ZHX2: variants seen among roughly 807,000 people sequenced by gnomAD.
ZHX2 encodes zinc fingers and homeoboxes protein 2.
A neutral mutation model predicts 21.9 loss-of-function variants in ZHX2; 6 were observed. The ratio of observed to expected loss-of-function variants is 0.27; its 90% confidence interval spans 0.15 to 0.54. The LOEUF (loss-of-function observed/expected upper bound fraction) is 0.54, where lower values mean the gene tolerates loss of function less well. Ranked by LOEUF, ZHX2 falls within the 20% of genes least tolerant of loss-of-function variation. The probability of loss-of-function intolerance (pLI) is 0.95; values close to 1 mark genes in which losing one functional copy is unlikely to be tolerated. For synonymous variants in ZHX2, 434 were observed against 437.1 expected (o/e 0.99, Z 0.09); for missense variants, 908 against 1,090.7 (o/e 0.83, Z 2.36).
intron 2 of ZHX2, among the ~76,000 whole-genome samples, chr8:122,887,049 CCGTGTGTGTGTGTG>C (rs1420101246): frequency 3.6e-4 from 40 of 110,530 alleles, no homozygotes; most frequent in African/African-American, 1.5e-3. Context: ...TGCTCTGCCA[CCGTGTGTGTGTGTG>C]TGTGTGTGTG....
In ZHX2 at chr8:122,951,948, C is replaced by T; in HGVS notation, c.438C>T (p.Arg146=). The T allele has an allele frequency of 1.2e-6, 2 of 1,614,006 alleles. No individual in the cohort carries two copies. Among genetic ancestry groups the T allele is most frequent in the Non-Finnish European group, 1.7e-6 (2 of 1,180,028 alleles). Residue 146 remains arginine (R), a synonymous_variant, in exon 3 of 4, where the codon CGC becomes CGT. Transcript: ENST00000314393. ...ACTTCAAGCTGAAGTTAATTAAACG[C>T]AATAATCAAACTGTCTTGGAACAGT... ...EANFKLKLIK[R]NNQTVLEQSI...
chr8:122,919,416 G>A (rs918253725), intron 2 of ZHX2, among the ~76,000 whole-genome samples: 2 of 152,162 alleles, frequency 1.3e-5, no homozygotes, highest in Admixed American at 6.5e-5. Context: ...GAGCGTGACC[G>A]TCATTCATTC....
Position 122,844,573 on chromosome 8 carries a change from G to A in ZHX2, c.-282-18904G>A, listed in dbSNP as rs922444719. 3.3e-5 allele frequency among the ~76,000 whole-genome samples: 5 copies of A among 152,192 alleles called. No homozygotes were observed. In the South Asian group the frequency reaches 8.3e-4, roughly 25 times the overall value. ...CGGAGAGAGGAGGTAACTTGCTGGAGGTCACAGATGAGTGAAGTGACGAGG... is the reference window on the plus strand; with the variant it reads ...CGGAGAGAGGAGGTAACTTGCTGGAAGTCACAGATGAGTGAAGTGACGAGG... On this transcript the variant is annotated intron_variant, in intron 1 of 3. Transcript: ENST00000314393.
chr8:122,931,475 C>T (rs1820992328), intron 2 of ZHX2, among the ~76,000 whole-genome samples: 1 of 152,090 alleles, frequency 6.6e-6, no homozygotes, highest in African/African-American at 2.4e-5. Flanking sequence ...CAATACAGCC[C>T]TAGGAAATAA....
intron 1 of ZHX2, among the ~76,000 whole-genome samples, chr8:122,851,122 T>C (rs1818886387): frequency 6.6e-6 from 1 of 151,898 alleles, no homozygotes; most frequent in Non-Finnish European, 1.5e-5. Flanking sequence ...GAAGGATGCC[T>C]GGGGGGTGCG....
At chr8:122,928,887 G>C (rs1364307731) in intron 2 of ZHX2, among the ~76,000 whole-genome samples, 1 of 152,126 alleles carries the variant, frequency 6.6e-6, no homozygotes, top group Admixed American at 6.5e-5. Flanking sequence ...ATCTTGACTT[G>C]GGACAAGGTG....
chr8:122,874,369 G>A lies in ZHX2; in HGVS notation c.-220+10830G>A, dbSNP rs189140877. Among the ~76,000 whole-genome samples the A allele has an allele frequency of 2.4e-3, 359 of 152,294 alleles. 1 individual carries two copies. The highest frequency in any genetic ancestry group is 4.3e-3 in the Non-Finnish European group (294 of 68,020). On this transcript the variant is annotated intron_variant, in intron 2 of 3. Transcript: ENST00000314393. ...GAGTTTTGCTCTTGGCACCCAGACTGGAGTGCCAATCTCAGCTGGAGTGCA... is the reference window on the plus strand; with the variant it reads ...GAGTTTTGCTCTTGGCACCCAGACTAGAGTGCCAATCTCAGCTGGAGTGCA...
rs140872211 is a variant in ZHX2 at position 122,831,657 on chromosome 8, G to T, written c.-282-31820G>T. Among the ~76,000 whole-genome samples, 91 of 152,288 alleles carry T rather than the reference G, an allele frequency of 6.0e-4. 1 individual carries two copies. The East Asian group carries it at 0.017, about 29-fold the overall frequency. On this transcript the variant is annotated intron_variant, in intron 1 of 3. Coordinates refer to ENST00000314393, the MANE Select transcript of ZHX2 (RefSeq NM_014943.5). ...GCTAGCACATTTCCAGCCAATATAG[G>T]ATTGTCTGGGGTTTGGTGGCCCCTG...
intron 3 of ZHX2, among the ~76,000 whole-genome samples, chr8:122,962,502 C>A (rs1813481863): frequency 6.6e-6 from 1 of 152,178 alleles, no homozygotes; most frequent in Admixed American, 6.5e-5. Flanking sequence ...ATACATACCA[C>A]ATTTTCTTTA....
At chr8:122,822,870 G>A (rs781617795) in intron 1 of ZHX2, among the ~76,000 whole-genome samples, 4 of 152,236 alleles carry the variant, frequency 2.6e-5, no homozygotes, top group Admixed American at 6.5e-5. Context: ...CTGGAGCTGG[G>A]CAGGTGGTGG....
intron 2 of ZHX2, among the ~76,000 whole-genome samples, chr8:122,898,329 G>C (rs1820146698): frequency 6.6e-6 from 1 of 152,140 alleles, no homozygotes; most frequent in African/African-American, 2.4e-5. Flanking sequence ...TGATGATGGT[G>C]GTAGAGGTGG....
chr8:122,935,939 A>G (rs1292148812), intron 2 of ZHX2, among the ~76,000 whole-genome samples: 1 of 152,100 alleles, frequency 6.6e-6, no homozygotes, highest in Non-Finnish European at 1.5e-5. Context: ...CTCCCCTCCT[A>G]GATGGTAGAC....
chr8:122,912,369 T>G (rs1383971896), intron 2 of ZHX2, among the ~76,000 whole-genome samples: 2 of 152,192 alleles, frequency 1.3e-5, no homozygotes, highest in Non-Finnish European at 2.9e-5. Context: ...GAGCATGGCC[T>G]TTCAAAGCAG....
intron 2 of ZHX2, among the ~76,000 whole-genome samples, chr8:122,901,775 A>G (rs184995109): frequency 2.4e-4 from 37 of 152,258 alleles, no homozygotes; most frequent in African/African-American, 7.9e-4. Context: ...CCTAGATACT[A>G]GTAGCACTCA....
At position 122,790,568 on chromosome 8, in the gene ZHX2, G is replaced by A. The variant is rs548600575; in HGVS notation, c.-283+8622G>A. Among the ~76,000 whole-genome samples the A allele has an allele frequency of 9.3e-4, 142 of 152,156 alleles. 1 individual carries two copies. Among genetic ancestry groups the A allele is most frequent in the Middle Eastern group, 3.4e-3 (1 of 294 alleles). On this transcript the variant is annotated intron_variant, in intron 1 of 3. Transcript: ENST00000314393. ...CTACATGCCTTTTGTGGGTGTGCTCGGACAATCCTAAGAGAGGTTGGGATT... is the reference window on the plus strand; with the variant it reads ...CTACATGCCTTTTGTGGGTGTGCTCAGACAATCCTAAGAGAGGTTGGGATT...
intron 2 of ZHX2, among the ~76,000 whole-genome samples, chr8:122,874,753 A>G (rs1259928277): frequency 6.6e-6 from 1 of 152,132 alleles, no homozygotes; most frequent in East Asian, 1.9e-4. Flanking sequence ...TAAACAGTAG[A>G]TCATAGTTCT....
rs1813152322 is a variant in ZHX2 at position 122,952,615 on chromosome 8, C to T, written c.1105C>T (p.Gln369Ter). 1 of 1,614,070 alleles carries T rather than the reference C, an allele frequency of 6.2e-7. No individual in the cohort carries two copies. Among genetic ancestry groups the T allele is most frequent in the African/African-American group, 1.3e-5 (1 of 74,930 alleles). ...CATCCTCCAGACGGCTCTACCGTGC[C>T]AGATCCTCGGCCAGACTAGCCTGGT... is the stretch of plus-strand genomic sequence containing the variant. ...QPILQTALPC[Q>*]ILGQTSLVLT... Residue 369 changes from glutamine (Q) to a stop codon, truncating the protein, a stop_gained, in exon 3 of 4, where the codon CAG becomes TAG. Transcript: ENST00000314393. LOFTEE classifies it low-confidence loss of function (END_TRUNC). The surrounding 1 kb of genome is among the most constrained non-coding windows in gnomAD (Gnocchi z 6.9).
At chr8:122,821,941 G>T (rs1285372555) in intron 1 of ZHX2, among the ~76,000 whole-genome samples, 1 of 151,974 alleles carries the variant, frequency 6.6e-6, no homozygotes, top group Non-Finnish European at 1.5e-5. Context: ...CTAACTTCAG[G>T]TGATCCACCC....
At chr8:122,804,749 G>T (rs573556180) in intron 1 of ZHX2, among the ~76,000 whole-genome samples, 1 of 152,282 alleles carries the variant, frequency 6.6e-6, no homozygotes, top group East Asian at 1.9e-4. Context: ...AGGCAACTGA[G>T]GTTCTGGGAG....
Sources: gnomAD v4.1 joint callset for allele counts (sites outside exome capture counted in the v4.1 genomes callset) on GRCh38, gnomAD v4.1.1 for gene constraint, Gnocchi (gnomAD v3.1) non-coding constraint, MANE v1.5 for transcripts, NCBI Gene and HGNC (gene_info 2026-07-23, HGNC 2026-07-21) for gene names.